MDGA2: variants seen among roughly 807,000 people sequenced by gnomAD.
MDGA2 encodes MAM domain-containing glycosylphosphatidylinositol anchor protein 2.
Under a neutral mutation model 117.8 loss-of-function variants are expected in MDGA2, and 40 were observed. The ratio of observed to expected loss-of-function variants is 0.34; its 90% CI spans 0.26 to 0.44. The LOEUF (loss-of-function observed/expected upper bound fraction) is 0.44, where lower values mean the gene tolerates loss of function less well. MDGA2 is among the 20% of genes least tolerant of loss of function. The probability of loss-of-function intolerance (pLI) is 1.00; values close to 1 mark genes in which losing one functional copy is unlikely to be tolerated. For missense variants in MDGA2, 1,123 were observed against 1,250.6 expected (o/e 0.90, Z 1.54); for synonymous variants, 452 against 439.0 (o/e 1.03, Z -0.37).
chr14:47,247,334 T>TCA lies in MDGA2; in HGVS notation c.421-29141_421-29140dup, dbSNP rs147609821. ...TTTTTTTTTTTTTTGAGACAGGGTC[T>TCA]CACTGTGTCACCCAGGCTGGAGTGC... On this transcript the variant is annotated intron_variant, in intron 2 of 16. Coordinates refer to ENST00000399232, the MANE Select transcript of MDGA2 (RefSeq NM_001113498.3). Among the ~76,000 whole-genome samples the TCA allele has an allele frequency of 3.5e-3, 522 of 150,082 alleles. 4 individuals are homozygous for TCA. Among genetic ancestry groups the TCA allele is most frequent in the African/African-American group, 0.012 (506 of 40,880 alleles).
intron 1 of MDGA2, among the ~76,000 whole-genome samples, chr14:47,414,112 AGTCCTAGT>A: frequency 6.6e-6 from 1 of 152,302 alleles, no homozygotes; most frequent in South Asian, 2.1e-4. Flanking sequence ...GGACATATGA[AGTCCTAGT>A]GAGATACAGT....
intron 1 of MDGA2, among the ~76,000 whole-genome samples, chr14:47,364,098 T>C (rs927991192): frequency 1.3e-5 from 2 of 152,172 alleles, no homozygotes; most frequent in Non-Finnish European, 2.9e-5. Flanking sequence ...ATCTGGACAG[T>C]CTCAAGTGTG....
intron 1 of MDGA2, among the ~76,000 whole-genome samples, chr14:47,553,366 AT>A (rs1314961960): frequency 6.6e-6 from 1 of 152,242 alleles, no homozygotes; most frequent in Non-Finnish European, 1.5e-5. Flanking sequence ...CAACTAGTAT[AT>A]TATGGTCAGT....
At chr14:47,367,498 A>G (rs1229511814) in intron 1 of MDGA2, among the ~76,000 whole-genome samples, 6 of 152,222 alleles carry the variant, frequency 3.9e-5, no homozygotes, top group African/African-American at 1.4e-4. Flanking sequence ...ATTTGATGTC[A>G]CAACGACCAA....
intron 3 of MDGA2, among the ~76,000 whole-genome samples, chr14:47,197,685 T>G (rs964912803): frequency 1.2e-4 from 18 of 151,888 alleles, no homozygotes; most frequent in Admixed American, 9.2e-4. Flanking sequence ...CCAAGGAGGG[T>G]GGATCACGAG....
intron 5 of MDGA2, among the ~76,000 whole-genome samples, chr14:47,110,253 G>GTTT (rs1880966176): frequency 2.0e-5 from 3 of 151,752 alleles, no homozygotes. Flanking sequence ...AATAAACCAT[G>GTTT]TAACTCAGCC....
At chr14:47,260,385 G>A (rs1259032647) in intron 2 of MDGA2, among the ~76,000 whole-genome samples, 2 of 152,002 alleles carry the variant, frequency 1.3e-5, no homozygotes, top group Admixed American at 6.6e-5. Flanking sequence ...AGTGAAAGAC[G>A]ACAGTCAAGC....
intron 1 of MDGA2, among the ~76,000 whole-genome samples, chr14:47,431,866 A>G (rs987474761): frequency 3.3e-5 from 5 of 152,074 alleles, no homozygotes; most frequent in Non-Finnish European, 5.9e-5. Context: ...ACAGTAAGGG[A>G]ACCTTTAAAT....
intron 3 of MDGA2, among the ~76,000 whole-genome samples, chr14:47,210,362 T>A (rs1885838129): frequency 6.6e-6 from 1 of 152,196 alleles, no homozygotes; most frequent in African/African-American, 2.4e-5. Flanking sequence ...CTAATGCCTC[T>A]CAGTCTAATT....
intron 1 of MDGA2, among the ~76,000 whole-genome samples, chr14:47,571,078 A>G (rs1367172724): frequency 6.6e-6 from 1 of 152,178 alleles, no homozygotes; most frequent in Non-Finnish European, 1.5e-5. Flanking sequence ...AAACAACCCC[A>G]TCAAAAAGTA....
At chr14:47,508,232 T>C (rs888674926) in intron 1 of MDGA2, among the ~76,000 whole-genome samples, 2 of 152,222 alleles carry the variant, frequency 1.3e-5, no homozygotes, top group African/African-American at 2.4e-5. Context: ...ATTTCTTATA[T>C]AGCTGTTTGC....
At chr14:47,064,344 C>T (rs1308644412) in intron 6 of MDGA2, among the ~76,000 whole-genome samples, 2 of 151,930 alleles carry the variant, frequency 1.3e-5, no homozygotes. Flanking sequence ...AGTTAAGGAA[C>T]ATCAGAATAA....
At chr14:47,674,383 C>A in intron 1 of MDGA2, 134 bp downstream of exon 1, 1 of 751,412 alleles carries the variant, frequency 1.3e-6, no homozygotes, top group South Asian at 1.7e-5. Flanking sequence ...TTATCGCTCC[C>A]AATAACGTGA....
intron 3 of MDGA2, among the ~76,000 whole-genome samples, chr14:47,165,328 A>G (rs1362603425): frequency 1.3e-5 from 2 of 152,200 alleles, no homozygotes; most frequent in Non-Finnish European, 2.9e-5. Context: ...AGACCTGTGA[A>G]GTTTCTGATT....
rs141268763 is a variant in MDGA2, at chr14:46,969,412, T to C, written c.1820-11769A>G. Among the ~76,000 whole-genome samples, 594 of 152,252 alleles carry C rather than the reference T, an allele frequency of 3.9e-3. 8 individuals carry two copies. The highest frequency in any genetic ancestry group is 0.014 in the African/African-American group (581 of 41,544). On this transcript the variant is annotated intron_variant, in intron 8 of 16. Coordinates refer to ENST00000399232, the MANE Select transcript of MDGA2 (RefSeq NM_001113498.3). ...TTCTCCACATCCTCTCCAGCACCTG[T>C]TGTTTCTTGACTTTTTAATGATCAC...
intron 1 of MDGA2, among the ~76,000 whole-genome samples, chr14:47,483,444 G>T (rs1893995461): frequency 6.6e-6 from 1 of 151,928 alleles, no homozygotes; most frequent in East Asian, 1.9e-4. Flanking sequence ...CGTTCGTCCT[G>T]TCCCGTCATT....
chr14:47,505,397 A>G (rs547156305), intron 1 of MDGA2, among the ~76,000 whole-genome samples: 1 of 152,302 alleles, frequency 6.6e-6, no homozygotes, highest in African/African-American at 2.4e-5. Context: ...GAGGTCATGT[A>G]TGCACTAACT....
chr14:47,040,873 T>G (rs1404456033), intron 7 of MDGA2, among the ~76,000 whole-genome samples: 1 of 152,188 alleles, frequency 6.6e-6, no homozygotes, highest in Admixed American at 6.5e-5. Context: ...TTAATCTGTC[T>G]CTAAAGTCTA....
At chr14:47,311,949 C>T (rs1384715158) in intron 1 of MDGA2, among the ~76,000 whole-genome samples, 1 of 151,788 alleles carries the variant, frequency 6.6e-6, no homozygotes, top group Non-Finnish European at 1.5e-5. Flanking sequence ...GAATAGAATA[C>T]AGAAAAAGAA....
Sources: allele counts gnomAD v4.1 joint callset (sites outside exome capture counted in the v4.1 genomes callset), GRCh38; gene constraint gnomAD v4.1.1; transcripts MANE v1.5; gene names NCBI Gene and HGNC (gene_info 2026-07-23, HGNC 2026-07-21).